PIBF1: variants seen among roughly 807,000 people sequenced by gnomAD.
The protein encoded by PIBF1 is progesterone immunomodulatory binding factor 1, also known as progesterone-induced-blocking factor 1.
Under a neutral mutation model 112.5 loss-of-function variants are expected in PIBF1, and 90 were observed. The ratio of observed to expected loss-of-function variants is 0.80; its 90% confidence interval spans 0.67 to 0.95. The LOEUF (loss-of-function observed/expected upper bound fraction) is 0.95. Ranked by LOEUF, PIBF1 falls within the 40% of genes least tolerant of loss-of-function variation. The pLI, the probability that PIBF1 is intolerant of heterozygous loss-of-function variation, is 0.00. For missense variants in PIBF1, 915 were observed against 852.3 expected, an observed-to-expected ratio of 1.07 and a Z score of -0.92; for synonymous variants, 301 against 288.6, an observed-to-expected ratio of 1.04 and a Z score of -0.44.
At chr13:72,927,324 G>A (rs1351226766) in intron 13 of PIBF1, among the ~76,000 whole-genome samples, 1 of 152,102 alleles carries the variant, frequency 6.6e-6, no homozygotes, top group Admixed American at 6.5e-5. Context: ...CTAACATGGT[G>A]AAACCCTGTC....
intron 9 of PIBF1, among the ~76,000 whole-genome samples, chr13:72,843,160 T>C (rs1362433180): frequency 6.6e-6 from 1 of 152,238 alleles, no homozygotes; most frequent in Non-Finnish European, 1.5e-5. Flanking sequence ...ACTCATTTTT[T>C]ATAACTACGG....
intron 10 of PIBF1, among the ~76,000 whole-genome samples, chr13:72,886,140 G>A (rs1031025504): frequency 2.6e-5 from 4 of 151,942 alleles, no homozygotes; most frequent in African/African-American, 7.3e-5. Flanking sequence ...AGCCTCCATC[G>A]TGCTACTATT....
chr13:72,796,652 T>G (rs1404710912), intron 4 of PIBF1, among the ~76,000 whole-genome samples: 9 of 149,554 alleles, frequency 6.0e-5, no homozygotes, highest in Non-Finnish European at 1.0e-4. Flanking sequence ...TTCAGCTGTT[T>G]TTTTTTTTTT....
intron 10 of PIBF1, among the ~76,000 whole-genome samples, chr13:72,858,005 C>T (rs2038507211): frequency 9.5e-6 from 1 of 105,574 alleles, no homozygotes; most frequent in Admixed American, 1.2e-4. Flanking sequence ...TAATACCTAT[C>T]AGAAGTACAA....
chr13:72,890,022 A>T (rs1269587555), intron 10 of PIBF1, among the ~76,000 whole-genome samples: 1 of 152,196 alleles, frequency 6.6e-6, no homozygotes, highest in Non-Finnish European at 1.5e-5. Flanking sequence ...GTGTTACCCA[A>T]TGATGACCTT....
At chr13:72,815,368 C>T (rs773378629) in intron 5 of PIBF1, among the ~76,000 whole-genome samples, 3 of 152,168 alleles carry the variant, frequency 2.0e-5, no homozygotes, top group East Asian at 1.9e-4. Context: ...AAGATTTTAT[C>T]GCTTTCTTCA....
At chr13:72,888,825 A>G (rs1027410620) in intron 10 of PIBF1, among the ~76,000 whole-genome samples, 1 of 146,500 alleles carries the variant, frequency 6.8e-6, no homozygotes, top group East Asian at 1.9e-4. Flanking sequence ...ATACATGTTT[A>G]AAAAAAAACA....
chr13:72,935,710 G>GT (rs1005703776), intron 14 of PIBF1, among the ~76,000 whole-genome samples: 2 of 152,050 alleles, frequency 1.3e-5, no homozygotes, highest in Non-Finnish European at 2.9e-5. Flanking sequence ...GATATGGTTA[G>GT]TTTTTTTATC....
At chr13:72,905,775 C>T (rs1468601944) in intron 11 of PIBF1, among the ~76,000 whole-genome samples, 2 of 152,120 alleles carry the variant, frequency 1.3e-5, no homozygotes, top group Non-Finnish European at 2.9e-5. Flanking sequence ...TCAACTTGGT[C>T]TCTGGATGCA....
At chr13:72,962,864 T>C (rs1161246755) in intron 14 of PIBF1, among the ~76,000 whole-genome samples, 1 of 152,212 alleles carries the variant, frequency 6.6e-6, no homozygotes, top group Non-Finnish European at 1.5e-5. Context: ...AGGGCTCAGA[T>C]TTCCAGATTT....
chr13:72,941,125 C>T (rs1295555818), intron 14 of PIBF1, among the ~76,000 whole-genome samples: 1 of 152,202 alleles, frequency 6.6e-6, no homozygotes, highest in Non-Finnish European at 1.5e-5. Context: ...TAAACTAAGG[C>T]AGTCATAGAG....
chr13:72,895,982 G>A (rs2040267189), intron 11 of PIBF1, among the ~76,000 whole-genome samples: 2 of 152,272 alleles, frequency 1.3e-5, no homozygotes, highest in South Asian at 2.1e-4. Context: ...TGGGAACTGG[G>A]TGAGGCCTGT....
chr13:72,800,657 T>G (rs554727958), intron 5 of PIBF1, among the ~76,000 whole-genome samples: 2 of 152,320 alleles, frequency 1.3e-5, no homozygotes, highest in East Asian at 3.9e-4. Flanking sequence ...ACGGCATGCA[T>G]TATTCTTGGT....
At chr13:72,936,536 T>TA (rs1179103316) in intron 14 of PIBF1, among the ~76,000 whole-genome samples, 9 of 152,214 alleles carry the variant, frequency 5.9e-5, no homozygotes, top group African/African-American at 1.9e-4. Flanking sequence ...GAGTGGAAGA[T>TA]ATAGATTGAA....
intron 14 of PIBF1, among the ~76,000 whole-genome samples, chr13:72,947,457 T>C (rs899245190): frequency 1.3e-5 from 2 of 152,334 alleles, no homozygotes; most frequent in East Asian, 1.9e-4. Context: ...GGAGACATTT[T>C]CACCATTGTC....
intron 14 of PIBF1, among the ~76,000 whole-genome samples, chr13:72,950,738 G>A (rs957146507): frequency 1.3e-5 from 2 of 152,160 alleles, no homozygotes; most frequent in Admixed American, 6.5e-5. Context: ...CTAGGTTCTG[G>A]GGATGATTAG....
intron 10 of PIBF1, among the ~76,000 whole-genome samples, chr13:72,883,970 TAA>T (rs888182411): frequency 2.0e-4 from 30 of 152,116 alleles, no homozygotes; most frequent in African/African-American, 4.1e-4. Flanking sequence ...ATAAAATAAC[TAA>T]AAGAGTATAA....
intron 17 of PIBF1, among the ~76,000 whole-genome samples, chr13:73,000,416 T>TTA (rs1374929483): frequency 6.6e-6 from 1 of 152,182 alleles, no homozygotes; most frequent in East Asian, 1.9e-4. Context: ...CTTCCTAAGC[T>TTA]TATTACCCAG....
intron 8 of PIBF1, among the ~76,000 whole-genome samples, chr13:72,834,009 T>C (rs182511295): frequency 2.0e-5 from 3 of 152,370 alleles, no homozygotes; most frequent in East Asian, 3.9e-4. Context: ...GATAGATATA[T>C]GCTATGACAG....
Sources: allele counts gnomAD v4.1 joint callset (sites outside exome capture counted in the v4.1 genomes callset), GRCh38; gene constraint gnomAD v4.1.1; transcripts MANE v1.5; gene names NCBI Gene and HGNC (gene_info 2026-07-23, HGNC 2026-07-21).